Variants in CSMD3 observed in about 807,000 individuals in gnomAD.
CSMD3 encodes CUB and Sushi multiple domains 3.
Under a neutral mutation model 435.2 loss-of-function variants are expected in CSMD3, and 177 were observed. That is an observed-to-expected ratio of 0.41 (90% CI 0.36 to 0.46). CSMD3 has a LOEUF of 0.46. Among genes scored for constraint, CSMD3 ranks in the 20% least tolerant of loss-of-function variants. CSMD3 has a pLI of 0.34. For missense variants in CSMD3, 4,265 were observed against 4,504.6 expected (o/e 0.95, Z 1.52); for synonymous variants, 1,656 against 1,520.5 (o/e 1.09, Z -2.07).
At chr8:112,830,545 A>T (rs963355704) in intron 11 of CSMD3, among the ~76,000 whole-genome samples, 8 of 152,164 alleles carry the variant, frequency 5.3e-5, no homozygotes, top group Non-Finnish European at 8.8e-5. Context: ...ATCAGTACAG[A>T]AAGAAATTAC....
intron 38 of CSMD3, among the ~76,000 whole-genome samples, chr8:112,361,976 A>G (rs1015490913): frequency 3.9e-5 from 6 of 151,920 alleles, no homozygotes; most frequent in African/African-American, 1.4e-4. Flanking sequence ...TTATGTTGAT[A>G]CTACCTTTAA....
At chr8:112,731,876 A>C (rs1165134171) in intron 13 of CSMD3, among the ~76,000 whole-genome samples, 1 of 152,176 alleles carries the variant, frequency 6.6e-6, no homozygotes, top group African/African-American at 2.4e-5. Flanking sequence ...TCAATTTTGA[A>C]AGATATATTA....
At chr8:113,421,215 A>G (rs2094607421) in intron 1 of CSMD3, among the ~76,000 whole-genome samples, 1 of 152,200 alleles carries the variant, frequency 6.6e-6, no homozygotes, top group Admixed American at 6.5e-5. Flanking sequence ...ACAATCACAT[A>G]TGAAAGGAAT....
At chr8:112,494,009 G>A (rs907291802) in intron 30 of CSMD3, among the ~76,000 whole-genome samples, 7 of 152,016 alleles carry the variant, frequency 4.6e-5, no homozygotes, top group Non-Finnish European at 8.8e-5. Context: ...CGATATCTTG[G>A]TGTTTGGCTA....
chr8:112,791,209 G>GC (rs1276461056), intron 13 of CSMD3, among the ~76,000 whole-genome samples: 1 of 151,124 alleles, frequency 6.6e-6, no homozygotes, highest in African/African-American at 2.4e-5. Flanking sequence ...TGTTGTCCCA[G>GC]CTACTCGGGA....
At chr8:113,292,000 A>C (rs993229649) in intron 2 of CSMD3, among the ~76,000 whole-genome samples, 5 of 151,840 alleles carry the variant, frequency 3.3e-5, no homozygotes, top group Non-Finnish European at 7.4e-5. Context: ...TTTTTAAGCC[A>C]ATATCCACTA....
chr8:113,095,543 T>G (rs1007095144), intron 5 of CSMD3, among the ~76,000 whole-genome samples: 1 of 152,164 alleles, frequency 6.6e-6, no homozygotes, highest in African/African-American at 2.4e-5. Context: ...CATTCACATT[T>G]GACAACTGGC....
chr8:113,059,586 A>G (rs1270705567), intron 5 of CSMD3, among the ~76,000 whole-genome samples: 4 of 152,196 alleles, frequency 2.6e-5, no homozygotes, highest in Admixed American at 6.6e-5. Flanking sequence ...TTTAAAATTG[A>G]CATATTTCTT....
chr8:112,487,406 T>TG (rs1267830942), intron 31 of CSMD3, among the ~76,000 whole-genome samples: 1 of 152,172 alleles, frequency 6.6e-6, no homozygotes, highest in Admixed American at 6.5e-5. Context: ...GGCAGAAGTC[T>TG]GATCAGTGCT....
intron 13 of CSMD3, among the ~76,000 whole-genome samples, chr8:112,728,864 T>G (rs2077020061): frequency 6.6e-6 from 1 of 152,070 alleles, no homozygotes; most frequent in East Asian, 1.9e-4. Flanking sequence ...GTACAAATTA[T>G]TATTCATTTT....
chr8:112,341,382 T>C, intron 42 of CSMD3, 95 bp downstream of exon 42: 1 of 882,606 alleles, frequency 1.1e-6, no homozygotes, highest in Non-Finnish European at 1.7e-6. Flanking sequence ...TTTTTCTTTC[T>C]AAAACAGAAT....
At chr8:113,160,189 AC>A (rs1056977059) in intron 4 of CSMD3, among the ~76,000 whole-genome samples, 2 of 152,014 alleles carry the variant, frequency 1.3e-5, no homozygotes, top group Admixed American at 1.3e-4. Flanking sequence ...TGACTTTGTA[AC>A]AAATTTTAAA....
At chr8:113,289,592 T>TA (rs1286747556) in intron 2 of CSMD3, among the ~76,000 whole-genome samples, 1 of 139,546 alleles carries the variant, frequency 7.2e-6, no homozygotes, top group African/African-American at 2.6e-5. Context: ...GAGAGAGAAA[T>TA]ACATCTGTGT....
At chr8:113,349,546 T>C (rs13248791) in intron 1 of CSMD3, among the ~76,000 whole-genome samples, 50,304 of 151,910 alleles carry the variant, frequency 0.33, 9,722 homozygotes, top group Non-Finnish European at 0.45. Context: ...CTTTGGGAGA[T>C]TGAGGCAGGA....
chr8:112,357,841 T>C (rs1252813379), intron 38 of CSMD3, among the ~76,000 whole-genome samples: 1 of 152,166 alleles, frequency 6.6e-6, no homozygotes, highest in Non-Finnish European at 1.5e-5. Context: ...GAACATCTGA[T>C]AGGGTAGTGT....
chr8:113,277,478 A>T (rs1008552408), intron 3 of CSMD3, among the ~76,000 whole-genome samples: 1 of 152,014 alleles, frequency 6.6e-6, no homozygotes, highest in African/African-American at 2.4e-5. Context: ...CTAGTGAAAA[A>T]TACTGTACTA....
In CSMD3 at chr8:112,941,392, A is replaced by G. The variant is rs535228915; in HGVS notation, c.1508+6398T>C. Among the ~76,000 whole-genome samples, 4 of 151,980 alleles carry G rather than the reference A, an allele frequency of 2.6e-5. No individual in the cohort carries two copies. In the East Asian group the frequency reaches 7.7e-4, roughly 29 times the overall value. The stretch of plus-strand genomic sequence containing the variant: ...CTGCTGGTGTTGAAGTTAGAAAAAC[A>G]CATTATTGTAGATGTTATGGATGGA... On this transcript the variant is annotated intron_variant, in intron 9 of 70. Transcript: ENST00000297405.
At chr8:112,298,086 AAAAAT>A (rs1194315924) in intron 53 of CSMD3, among the ~76,000 whole-genome samples, 581 of 147,994 alleles carry the variant, frequency 3.9e-3, no homozygotes, top group Middle Eastern at 0.011. Context: ...AAAAAAAAAA[AAAAAT>A]AAGTAAAGAC....
intron 32 of CSMD3, among the ~76,000 whole-genome samples, chr8:112,413,968 T>G (rs149005949): frequency 1.4e-4 from 22 of 152,264 alleles, no homozygotes; most frequent in East Asian, 5.8e-4. Context: ...CCAGGTGATA[T>G]CTGTTCACCC....
Sources: allele counts gnomAD v4.1 joint callset (sites outside exome capture counted in the v4.1 genomes callset), GRCh38; gene constraint gnomAD v4.1.1; transcripts MANE v1.5; gene names NCBI Gene and HGNC (gene_info 2026-07-23, HGNC 2026-07-21).